HS6ST2: variants seen among roughly 807,000 people sequenced by gnomAD.
The protein encoded by HS6ST2 is heparan sulfate 6-O-sulfotransferase 2, also known as heparan-sulfate 6-O-sulfotransferase 2.
A neutral mutation model predicts 33.0 loss-of-function variants in HS6ST2; 17 were observed. That is an observed-to-expected ratio of 0.52 (90% CI 0.35 to 0.77). HS6ST2 has a LOEUF of 0.77. Among genes scored for constraint, HS6ST2 ranks in the 30% least tolerant of loss-of-function variants. The pLI is 0.01. For synonymous variants in HS6ST2, 248 were observed against 237.1 expected, an observed-to-expected ratio of 1.05 and a Z score of -0.42; for missense variants, 519 against 551.7, an observed-to-expected ratio of 0.94 and a Z score of 0.59.
At chrX:132,886,315 A>G (rs1483739499) in intron 2 of HS6ST2, among the ~76,000 whole-genome samples, 1 of 111,857 alleles carries the variant, frequency 8.9e-6, no homozygotes. Context: ...ATTTTCCCAC[A>G]GAGCCCCATC....
chrX:132,727,907 G>A (rs778742942), intron 2 of HS6ST2, among the ~76,000 whole-genome samples: 3 of 111,509 alleles, frequency 2.7e-5, no homozygotes, highest in African/African-American at 9.8e-5. Context: ...TTTTTGTCTG[G>A]CTTCTTTCAC....
intron 2 of HS6ST2, among the ~76,000 whole-genome samples, chrX:132,951,368 G>T (rs1442763442): frequency 9.0e-6 from 1 of 110,685 alleles, no homozygotes; most frequent in Admixed American, 9.7e-5. Context: ...CCTAGGTGAG[G>T]TTGCTGGACC....
At chrX:132,927,753 A>T (rs957764788) in intron 2 of HS6ST2, among the ~76,000 whole-genome samples, 3 of 109,264 alleles carry the variant, frequency 2.7e-5, no homozygotes, top group African/African-American at 1.0e-4. Flanking sequence ...GCTACTCTGG[A>T]GGCTGAGAGG....
intron 2 of HS6ST2, among the ~76,000 whole-genome samples, chrX:132,744,271 G>A (rs777504638): frequency 7.2e-5 from 8 of 111,549 alleles, no homozygotes; most frequent in Admixed American, 1.9e-4. Context: ...GCTCAGAGAG[G>A]TCAAATCACT....
At chrX:132,847,952 G>T (rs1394808335) in intron 2 of HS6ST2, among the ~76,000 whole-genome samples, 1 of 112,450 alleles carries the variant, frequency 8.9e-6, no homozygotes, top group African/African-American at 3.2e-5. Context: ...AATGGAAGGT[G>T]TTCTAATGCC....
intron 2 of HS6ST2, among the ~76,000 whole-genome samples, chrX:132,724,365 C>T (rs1354159439): frequency 6.3e-5 from 7 of 111,234 alleles, no homozygotes; most frequent in Non-Finnish European, 9.4e-5. Context: ...ATGCCAACAG[C>T]GAACAATCTA....
chrX:132,705,927 T>C lies in HS6ST2; in HGVS notation c.980+2535A>G, dbSNP rs983801686. Reference sequence around the variant, plus strand: ...TTTCACACATATACCATCAACATTATGGCTATGTTTAGGTAAGCCTTATGA... The same window carrying C: ...TTTCACACATATACCATCAACATTACGGCTATGTTTAGGTAAGCCTTATGA... On this transcript the variant is annotated intron_variant, in intron 3 of 4. Coordinates refer to ENST00000370833, the MANE Select transcript of HS6ST2 (RefSeq NM_001394073.1). Among the ~76,000 whole-genome samples, 10 of 112,400 alleles carry C rather than the reference T, an allele frequency of 8.9e-5. No individual in the cohort carries two copies. The East Asian group carries it at 1.7e-3, about 19-fold the overall frequency.
At chrX:132,890,721 C>T (rs181439954) in intron 2 of HS6ST2, among the ~76,000 whole-genome samples, 163 of 110,897 alleles carry the variant, frequency 1.5e-3, no homozygotes, top group African/African-American at 4.7e-3. Context: ...TCACTTCTAC[C>T]GTATTGCTGG....
chrX:132,883,926 C>T (rs1292140924), intron 2 of HS6ST2, among the ~76,000 whole-genome samples: 1 of 112,129 alleles, frequency 8.9e-6, no homozygotes, highest in Non-Finnish European at 1.9e-5. Flanking sequence ...GGTTCATTAA[C>T]CCCTTTTCCT....
At position 132,768,335 on chromosome X, in the gene HS6ST2, CA is replaced by C. The variant is rs771487342; in HGVS notation, c.948-59842del. On this transcript the variant is annotated intron_variant, in intron 2 of 4. Transcript: ENST00000370833. ...TGGGTGACAGAGTGAGACTCTGTCT[CA>C]AAAAAAAAAAAAAAAAAAACTCAGG... Among the ~76,000 whole-genome samples the C allele has an allele frequency of 4.9e-3, 228 of 46,304 alleles. 3 individuals carry two copies. Among genetic ancestry groups the C allele is most frequent in the South Asian group, 0.011 (7 of 618 alleles). The allele number at this position is 46,304 out of a possible 115,157, so 40.2% of individuals were successfully genotyped here.
intron 2 of HS6ST2, among the ~76,000 whole-genome samples, chrX:132,810,364 C>T (rs2065329377): frequency 9.3e-6 from 1 of 107,912 alleles, no homozygotes; most frequent in South Asian, 4.2e-4. Flanking sequence ...TGTGATGGCA[C>T]CATTGCACTC....
At chrX:132,631,387 T>C (rs1264491192) in intron 4 of HS6ST2, among the ~76,000 whole-genome samples, 1 of 111,391 alleles carries the variant, frequency 9.0e-6, no homozygotes, top group Non-Finnish European at 1.9e-5. Flanking sequence ...TAGGACCTGA[T>C]CTTGTTGGTG....
At position 132,881,767 on chromosome X, in the gene HS6ST2, G is replaced by T. The variant is rs774482919; in HGVS notation, c.947+75041C>A. On this transcript the variant is annotated intron_variant, in intron 2 of 4. Coordinates refer to ENST00000370833, the MANE Select transcript of HS6ST2 (RefSeq NM_001394073.1). ...GTTTTTATGGTTTTAGGTCTAACAT[G>T]TATGTCTTTAATCCATCTTGAATTA... 2.2e-3 allele frequency among the ~76,000 whole-genome samples: 247 copies of T among 111,544 alleles called. 4 individuals are homozygous for T. The East Asian group carries it at 0.028, about 13-fold the overall frequency.
chrX:132,946,362 C>G (rs1189639647), intron 2 of HS6ST2, among the ~76,000 whole-genome samples: 1 of 112,005 alleles, frequency 8.9e-6, no homozygotes, highest in East Asian at 2.8e-4. Flanking sequence ...AGTCTTGGAA[C>G]CAACCCAAAT....
intron 2 of HS6ST2, among the ~76,000 whole-genome samples, chrX:132,811,761 A>G (rs1239238052): frequency 1.1e-5 from 1 of 92,917 alleles, no homozygotes; most frequent in African/African-American, 4.0e-5. Flanking sequence ...ACAGGCATGC[A>G]ATGTGTATTA....
chrX:132,799,442 A>G (rs1017947688), intron 2 of HS6ST2, among the ~76,000 whole-genome samples: 2 of 107,662 alleles, frequency 1.9e-5, no homozygotes, highest in African/African-American at 6.8e-5. Context: ...TGGTACAATC[A>G]CTGCTCACTG....
At chrX:132,884,476 A>T (rs953422347) in intron 2 of HS6ST2, among the ~76,000 whole-genome samples, 1 of 111,704 alleles carries the variant, frequency 9.0e-6, no homozygotes, top group African/African-American at 3.2e-5. Flanking sequence ...TCTTGCAGCC[A>T]GGAGGAAATT....
At chrX:132,819,055 C>T (rs1057299431) in intron 2 of HS6ST2, among the ~76,000 whole-genome samples, 2 of 110,278 alleles carry the variant, frequency 1.8e-5, no homozygotes, top group Non-Finnish European at 3.8e-5. Context: ...TTTTTCTAAA[C>T]TCAACTCTAC....
chrX:132,960,569 C>CG (rs34647867), upstream of HS6ST2, among the ~76,000 whole-genome samples: 9 of 106,000 alleles, frequency 8.5e-5, no homozygotes, highest in South Asian at 1.3e-3. Flanking sequence ...GTAAACAGTA[C>CG]GGGGGGAAAA....
Sources: allele counts gnomAD v4.1 joint callset (sites outside exome capture counted in the v4.1 genomes callset), GRCh38; gene constraint gnomAD v4.1.1; transcripts MANE v1.5; gene names NCBI Gene and HGNC (gene_info 2026-07-23, HGNC 2026-07-21).